The following EMX2 variants were observed in gnomAD, a reference collection of about 807,000 sequenced individuals.
EMX2 encodes the protein empty spiracles homeobox 2.
In EMX2, 6 loss-of-function variants were observed where a neutral mutation model predicts 23.0. The ratio of observed to expected loss-of-function variants is 0.26; its 90% CI spans 0.14 to 0.52. The LOEUF is 0.52. Ranked by LOEUF, EMX2 falls within the 20% of genes least tolerant of loss-of-function variation. The pLI, the probability that EMX2 is intolerant of heterozygous loss-of-function variation, is 0.97. For synonymous variants in EMX2, 175 were observed against 153.3 expected, an observed-to-expected ratio of 1.14 and a Z score of -1.04; for missense variants, 302 against 341.4, an observed-to-expected ratio of 0.88 and a Z score of 0.91.
At position 117,548,064 on chromosome 10, in the gene EMX2, G is replaced by A; in HGVS notation, c.592-1G>A. The A allele has an allele frequency of 6.2e-7, 1 of 1,609,638 alleles. No individual in the cohort carries two copies. The highest frequency in any genetic ancestry group is 8.5e-7 in the Non-Finnish European group (1 of 1,178,004). ...GCACCCCATCTGCCTCTCACCCGCA[G>A]GTAAAAGTATGGTTTCAGAACCGAA... is the stretch of plus-strand genomic sequence containing the variant. On this transcript the variant is annotated splice_acceptor_variant, in intron 2 of 2. Coordinates refer to ENST00000553456, the MANE Select transcript of EMX2 (RefSeq NM_004098.4). LOFTEE classifies it high-confidence loss of function.
rs928416133 is a variant in EMX2 at position 117,545,830 on chromosome 10, G to C, written c.591+14G>C. ...ACGGAAACTCAGGTGACTGCGGCCCGGGCGCGAGGAACCCATCTAGGCGTG... is the reference window on the plus strand; with the variant it reads ...ACGGAAACTCAGGTGACTGCGGCCCCGGCGCGAGGAACCCATCTAGGCGTG... On this transcript the variant is annotated intron_variant, in intron 2 of 2. Coordinates refer to ENST00000553456, the MANE Select transcript of EMX2 (RefSeq NM_004098.4). 2.5e-6 allele frequency: 4 copies of C among 1,613,496 alleles called. No homozygotes were observed. Among genetic ancestry groups the C allele is most frequent in the Non-Finnish European group, 1.7e-6 (2 of 1,180,022 alleles).
intron 1 of EMX2, 31 bp from the exon 2 acceptor site, chr10:117,545,601 C>G (rs8192641): frequency 0.017 from 27,499 of 1,613,396 alleles, 283 homozygotes; most frequent in Middle Eastern, 0.022. Context: ...AGCAGCCCCC[C>G]CTAATGGGAT....
At chr10:117,547,073 T>C (rs74159310) in intron 2 of EMX2, among the ~76,000 whole-genome samples, 3,703 of 152,264 alleles carry the variant, frequency 0.024, 157 homozygotes, top group African/African-American at 0.084. Flanking sequence ...GCTGTGAAGA[T>C]TGGACTGTGT....
Position 117,548,662 on chromosome 10 carries a change from A to T in EMX2, c.*430A>T, listed in dbSNP as rs1474502459. 2 of 423,548 alleles carry T rather than the reference A, an allele frequency of 4.7e-6. No individual in the cohort carries two copies. Among genetic ancestry groups the T allele is most frequent in the Non-Finnish European group, 8.3e-6 (2 of 240,608 alleles). The allele number at this position is 423,548 out of a possible 1,614,324, so 26.2% of individuals were successfully genotyped here. On this transcript the variant is annotated 3_prime_UTR_variant, in exon 3 of 3. Coordinates refer to ENST00000553456, the MANE Select transcript of EMX2 (RefSeq NM_004098.4). The stretch of plus-strand genomic sequence containing the variant: ...GATTGGCAGGTATTCCGTTTATCAC[A>T]GTCCACTTAAAAAATGATGATGATG...
intron 2 of EMX2, among the ~76,000 whole-genome samples, chr10:117,547,711 T>C (rs1371730295): frequency 6.6e-6 from 1 of 152,238 alleles, no homozygotes; most frequent in South Asian, 2.1e-4. Context: ...TAATCACTTA[T>C]TATTTTTGTA....
In EMX2 at chr10:117,548,182, G is replaced by A; in HGVS notation, c.709G>A (p.Ala237Thr). 1 of 1,613,864 alleles carries A rather than the reference G, an allele frequency of 6.2e-7. No homozygotes were observed. The highest frequency in any genetic ancestry group is 8.5e-7 in the Non-Finnish European group (1 of 1,179,938). Residue 237 changes from alanine (A) to threonine (T), a missense_variant, in exon 3 of 3, where the codon GCC becomes ACC. By Grantham distance (58) the Ala-to-Thr change is moderately conservative. Coordinates refer to ENST00000553456, the MANE Select transcript of EMX2 (RefSeq NM_004098.4). ...GCACCATATTAACCGGTGGAGAATC[G>A]CCACCAAGCAGGCGAGTCCGGAGGA... ...GTHHINRWRI[A>T]TKQASPEEID...
chr10:117,543,263 G>T lies in EMX2; in HGVS notation c.-5G>T. On this transcript the variant is annotated 5_prime_UTR_variant, in exon 1 of 3. Transcript: ENST00000553456. Reference sequence around the variant, plus strand: ...GAGCCCAGGGCGCCCGCTCCTCGGCGCAGCATGTTCCAGCCGGCGCCCAAG... The same window carrying T: ...GAGCCCAGGGCGCCCGCTCCTCGGCTCAGCATGTTCCAGCCGGCGCCCAAG... 1.3e-6 allele frequency: 2 copies of T among 1,542,434 alleles called. No individual in the cohort carries two copies. Among genetic ancestry groups the T allele is most frequent in the Non-Finnish European group, 8.7e-7 (1 of 1,143,262 alleles).
In EMX2 at chr10:117,543,306, G is replaced by C. The variant is rs1478420902; in HGVS notation, c.39G>C (p.Glu13Asp). 1 of 1,550,676 alleles carries C rather than the reference G, an allele frequency of 6.4e-7. No homozygotes were observed. Among genetic ancestry groups the C allele is most frequent in the African/African-American group, 1.4e-5 (1 of 72,976 alleles). ...QPAPKRCFTI[E>D]SLVAKDSPLP... ...CGCCCAAGCGCTGCTTCACCATCGA[G>C]TCGCTGGTGGCCAAGGACAGTCCCC... Residue 13 changes from glutamate to aspartate, a missense_variant, in exon 1 of 3, where the codon GAG (glutamate) becomes GAC (aspartate). Transcript: ENST00000553456.
rs1846513464 is a variant in EMX2, at chr10:117,542,981, G to A, written c.-287G>A. On this transcript the variant is annotated 5_prime_UTR_variant, in exon 1 of 3. Coordinates refer to ENST00000553456, the MANE Select transcript of EMX2 (RefSeq NM_004098.4). ...AAGAAAAAAAATTACCCCAATCCAC[G>A]CCTGCAAATTCTTCTGGAAGGATTT... The A allele has an allele frequency of 8.0e-6, 2 of 248,702 alleles. No individual in the cohort carries two copies. The highest frequency in any genetic ancestry group is 2.0e-4 in the South Asian group (1 of 5,006). 15.4% of individuals were successfully genotyped at this position (248,702 alleles called of 1,614,324 possible). A position where few individuals can be genotyped will look rare whatever the true frequency, so the allele number is the denominator to read the frequency against.
rs1846614953 is a variant in EMX2, at chr10:117,548,583, G to GTGC, written c.*352_*354dup. On this transcript the variant is annotated 3_prime_UTR_variant, in exon 3 of 3. Coordinates refer to ENST00000553456, the MANE Select transcript of EMX2 (RefSeq NM_004098.4). ...GAGAGAGAGAGAGAGAAAGCTGAAC[G>GTGC]TGCACTCTGACAAGGGGAGCTGTCA... 2 of 515,976 alleles carry GTGC rather than the reference G, an allele frequency of 3.9e-6. No homozygotes were observed. The highest frequency in any genetic ancestry group is 6.8e-6 in the Non-Finnish European group (2 of 295,986). The allele number at this position is 515,976 out of a possible 1,614,324, so 32.0% of individuals were successfully genotyped here. A position where few individuals can be genotyped will look rare whatever the true frequency, so the allele number is the denominator to read the frequency against.
intron 2 of EMX2, among the ~76,000 whole-genome samples, chr10:117,546,310 G>C (rs1348519033): frequency 6.6e-6 from 1 of 152,218 alleles, no homozygotes; most frequent in Admixed American, 6.5e-5. Context: ...GAGGGCAAGC[G>C]TCCTGTGTGT....
rs424112 is a variant in EMX2 at position 117,545,771 on chromosome 10, C to A, written c.546C>A (p.Ala182=). 9,869 of 1,613,948 alleles carry A rather than the reference C, an allele frequency of 6.1e-3. 527 individuals carry two copies. In the African/African-American group the frequency reaches 0.12, roughly 19 times the overall value. ...AFEKNHYVVG[A]ERKQLAHSLS... Reference sequence around the variant, plus strand: ...AGAAGAATCACTACGTGGTGGGCGCCGAAAGGAAGCAGCTGGCACACAGCC... The same window carrying A: ...AGAAGAATCACTACGTGGTGGGCGCAGAAAGGAAGCAGCTGGCACACAGCC... The change falls in exon 2 of 3, where the codon GCC becomes GCA. Residue 182 remains alanine (A), a synonymous_variant. Coordinates refer to ENST00000553456, the MANE Select transcript of EMX2 (RefSeq NM_004098.4).
In EMX2 at chr10:117,548,558, GA is replaced by G; in HGVS notation, c.*327del. 1.9e-6 allele frequency: 1 copy of G among 525,712 alleles called. No homozygotes were observed. Among genetic ancestry groups the G allele is most frequent in the Non-Finnish European group, 3.3e-6 (1 of 300,802 alleles). 32.6% of individuals were successfully genotyped at this position (525,712 alleles called of 1,614,324 possible). On this transcript the variant is annotated 3_prime_UTR_variant, in exon 3 of 3. Transcript: ENST00000553456. ...AGAGAAAGAGAGAGAAAGAGAGAGA[GA>G]GAGAGAGAGAGAGAAAGCTGAACGT... is the stretch of plus-strand genomic sequence containing the variant.
In EMX2 at chr10:117,548,095, A is replaced by G. The variant is rs1846604231; in HGVS notation, c.622A>G (p.Lys208Glu). 2 of 1,613,118 alleles carry G rather than the reference A, an allele frequency of 1.2e-6. No homozygotes were observed. The change falls in exon 3 of 3, where the codon AAG becomes GAG. Residue 208 changes from lysine (K) to glutamate (E), a missense_variant. Lys to Glu is a moderately conservative substitution (Grantham distance 56). Coordinates refer to ENST00000553456, the MANE Select transcript of EMX2 (RefSeq NM_004098.4). ...VKVWFQNRRT[K>E]FKRQKLEEEG... ...AGTATGGTTTCAGAACCGAAGAACA[A>G]AGTTCAAAAGGCAGAAGCTGGAGGA...
rs1427507486 is a variant in EMX2, at chr10:117,548,747, TC to T, written c.*522del. On this transcript the variant is annotated 3_prime_UTR_variant, in exon 3 of 3. Transcript: ENST00000553456. ...TTTGTTTTTTGCACTTCGCTGTGTT[TC>T]CCCCCCATCTTTAAAAATAATTAGT... 7.4e-5 allele frequency: 30 copies of T among 404,730 alleles called. No homozygotes were observed. The highest frequency in any genetic ancestry group is 4.8e-4 in the South Asian group (4 of 8,260). 25.1% of individuals were successfully genotyped at this position (404,730 alleles called of 1,614,324 possible). A position where few individuals can be genotyped will look rare whatever the true frequency, so the allele number is the denominator to read the frequency against.
rs952698381 is a variant in EMX2, at chr10:117,548,799, A to G, written c.*567A>G. The G allele has an allele frequency of 4.9e-6, 2 of 404,078 alleles. No individual in the cohort carries two copies. Among genetic ancestry groups the G allele is most frequent in the Admixed American group, 8.3e-5 (2 of 23,992 alleles). The allele number at this position is 404,078 out of a possible 1,614,324, so 25.0% of individuals were successfully genotyped here. On this transcript the variant is annotated 3_prime_UTR_variant, in exon 3 of 3. Transcript: ENST00000553456. ...AATAAAAAACAAAAATTCCATATCT[A>G]GCCCCATCCCACACCTGTTTCAAAT... is the stretch of plus-strand genomic sequence containing the variant.
Position 117,543,671 on chromosome 10 carries a change from A to C in EMX2, c.404A>C (p.Gln135Pro). 1 of 1,613,296 alleles carries C rather than the reference A, an allele frequency of 6.2e-7. No homozygotes were observed. The highest frequency in any genetic ancestry group is 1.1e-5 in the South Asian group (1 of 91,082). The change falls in exon 1 of 3, where the codon CAA becomes CCA. Residue 135 changes from glutamine to proline, a missense_variant and splice_region_variant. Gln to Pro is a moderately conservative substitution (Grantham distance 76). Around this residue, in one of 4 missense-constraint regions of EMX2, gnomAD observed 221 missense variants for 206.8 expected, o/e 1.07. Coordinates refer to ENST00000553456, the MANE Select transcript of EMX2 (RefSeq NM_004098.4). ...TACCGATATCTGGGTCATCGCTTCC[A>C]AGGTACGTGCCACGTCGCGGAACTG... is the stretch of plus-strand genomic sequence containing the variant. ...HRYRYLGHRF[Q>P]GNDTSPESFL...
Position 117,548,439 on chromosome 10 carries a change from C to T in EMX2, c.*207C>T, listed in dbSNP as rs1846611345. 1.4e-6 allele frequency: 1 copy of T among 724,778 alleles called. No individual in the cohort carries two copies. The highest frequency in any genetic ancestry group is 1.8e-5 in the African/African-American group (1 of 55,822). The allele number at this position is 724,778 out of a possible 1,614,324, so 44.9% of individuals were successfully genotyped here. ...CCAAACCGAGGCCGCGCCAAGATGG[C>T]AGAGGATGGAGGCTCCTTCATCAAC... On this transcript the variant is annotated 3_prime_UTR_variant, in exon 3 of 3. Transcript: ENST00000553456.
chr10:117,548,044 C>G (rs776030488), intron 2 of EMX2, 21 bp from the exon 3 acceptor site: 2 of 1,600,534 alleles, frequency 1.2e-6, no homozygotes, highest in African/African-American at 1.3e-5. Context: ...CTAACGCACC[C>G]CATCTGCCTC....
Sources: gnomAD v4.1 joint callset for allele counts (sites outside exome capture counted in the v4.1 genomes callset) on GRCh38, gnomAD v4.1.1 for gene constraint, gnomAD v4.1.1 regional missense constraint, MANE v1.5 for transcripts, NCBI Gene and HGNC (gene_info 2026-07-23, HGNC 2026-07-21) for gene names.